DPF3: variants seen among roughly 807,000 people sequenced by gnomAD.
DPF3 encodes zinc finger protein DPF3.
In DPF3, 18 loss-of-function variants were observed where a neutral mutation model predicts 56.8. The ratio of observed to expected loss-of-function variants is 0.32; its 90% CI spans 0.22 to 0.47. DPF3 has a LOEUF of 0.47. Among genes scored for constraint, DPF3 ranks in the 20% least tolerant of loss-of-function variants. The pLI is 1.00. For synonymous variants in DPF3, 188 were observed against 180.2 expected, an observed-to-expected ratio of 1.04 and a Z score of -0.35; for missense variants, 403 against 488.8, an observed-to-expected ratio of 0.82 and a Z score of 1.65.
chr14:72,672,034 CACACACACACACACACACACACACAG>C (rs1182413396), intron 8 of DPF3, among the ~76,000 whole-genome samples: 16 of 108,686 alleles, frequency 1.5e-4, no homozygotes, highest in East Asian at 1.0e-3. Context: ...GCACACCACA[CACACACACACACACACACACACACAG>C]ACACACACAC....
chr14:72,872,098 C>T (rs1885923227), intron 1 of DPF3, among the ~76,000 whole-genome samples: 1 of 152,222 alleles, frequency 6.6e-6, no homozygotes, highest in Admixed American at 6.5e-5. Context: ...CTTGGGGCTT[C>T]CACCCTCTGA....
chr14:72,716,899 A>G (rs558716970), intron 5 of DPF3, among the ~76,000 whole-genome samples: 102 of 152,222 alleles, frequency 6.7e-4, no homozygotes, highest in Non-Finnish European at 9.3e-4. Context: ...AGAACCCACT[A>G]AGGGGGATCT....
At chr14:72,850,513 A>C (rs987481284) in intron 1 of DPF3, among the ~76,000 whole-genome samples, 3 of 152,184 alleles carry the variant, frequency 2.0e-5, no homozygotes, top group Non-Finnish European at 4.4e-5. Context: ...ATCATTAGAC[A>C]ATATTTATCC....
chr14:72,711,061 C>T (rs2332913), intron 6 of DPF3, among the ~76,000 whole-genome samples: 132,034 of 152,200 alleles, frequency 0.87, 57,545 homozygotes, highest in East Asian at 0.97. Context: ...CAAGAACACA[C>T]AGGACCACTA....
At chr14:72,672,790 T>C (rs1480232834) in intron 8 of DPF3, among the ~76,000 whole-genome samples, 1 of 152,064 alleles carries the variant, frequency 6.6e-6, no homozygotes, top group Admixed American at 6.6e-5. Flanking sequence ...CTCTAACCCA[T>C]CCAAACCTAC....
rs985613048 is a variant in DPF3 at position 72,730,085 on chromosome 14, T to A, written c.429+1722A>T. On this transcript the variant is annotated intron_variant, in intron 4 of 10. Transcript: ENST00000556509. Reference sequence around the variant, plus strand: ...ACCTAAAACTGCTGTTAAAAAATATTTTTTTTTAAAGACTGCCCCTCAAGC... The same window carrying A: ...ACCTAAAACTGCTGTTAAAAAATATATTTTTTTAAAGACTGCCCCTCAAGC... Among the ~76,000 whole-genome samples, 3 of 151,734 alleles carry A rather than the reference T, an allele frequency of 2.0e-5. No individual in the cohort carries two copies. In the South Asian group the frequency reaches 6.3e-4, roughly 32 times the overall value.
intron 1 of DPF3, chr14:72,773,794 G>C: frequency 2.2e-6 from 1 of 454,532 alleles, no homozygotes; most frequent in Non-Finnish European, 4.4e-6. Flanking sequence ...GCATATGTCA[G>C]AATTTCCTTC....
At chr14:72,714,698 C>T (rs758617316) in intron 5 of DPF3, among the ~76,000 whole-genome samples, 197 bp from the exon 6 acceptor site, 1 of 152,130 alleles carries the variant, frequency 6.6e-6, no homozygotes, top group Non-Finnish European at 1.5e-5. Flanking sequence ...TCACCTGTAT[C>T]ACCTCATTAA....
intron 3 of DPF3, among the ~76,000 whole-genome samples, chr14:72,745,751 A>ACT (rs1890298381): frequency 6.6e-6 from 1 of 152,090 alleles, no homozygotes; most frequent in Non-Finnish European, 1.5e-5. Context: ...TTCTCCAGAG[A>ACT]CTCTGGCCAA....
chr14:72,819,267 C>T (rs1374529363), intron 1 of DPF3, among the ~76,000 whole-genome samples: 1 of 152,190 alleles, frequency 6.6e-6, no homozygotes, highest in Non-Finnish European at 1.5e-5. Context: ...ATGGTGCAAC[C>T]ACTTTAGAAA....
chr14:72,677,071 C>G (rs905966271), intron 7 of DPF3, among the ~76,000 whole-genome samples: 5 of 152,164 alleles, frequency 3.3e-5, no homozygotes, highest in Admixed American at 1.3e-4. Context: ...GGAGTCTGAG[C>G]AGCATCCTGT....
chr14:72,776,448 G>A (rs922180647), intron 1 of DPF3, among the ~76,000 whole-genome samples: 2 of 152,104 alleles, frequency 1.3e-5, no homozygotes, highest in African/African-American at 4.8e-5. Flanking sequence ...CCAGCTCTGA[G>A]AGCTGAGTGT....
intron 6 of DPF3, among the ~76,000 whole-genome samples, chr14:72,712,538 A>G (rs1888698933): frequency 6.6e-6 from 1 of 152,220 alleles, no homozygotes; most frequent in African/African-American, 2.4e-5. Context: ...CCCACGGTCT[A>G]TAGTAGCAGA....
At chr14:72,753,420 C>A (rs761966153) in intron 2 of DPF3, 49 bp from the exon 3 acceptor site, 21 of 1,457,022 alleles carry the variant, frequency 1.4e-5, no homozygotes, top group Non-Finnish European at 1.9e-5. Flanking sequence ...CTGGAAGGGG[C>A]CTTGGAAACT....
intron 1 of DPF3, among the ~76,000 whole-genome samples, chr14:72,857,634 T>G (rs994701576): frequency 6.6e-6 from 1 of 152,180 alleles, no homozygotes; most frequent in Non-Finnish European, 1.5e-5. Flanking sequence ...GTCACCAGGT[T>G]GGAGTGCAGG....
At chr14:72,727,104 A>C (rs1292607695) in intron 4 of DPF3, among the ~76,000 whole-genome samples, 2 of 152,154 alleles carry the variant, frequency 1.3e-5, no homozygotes, top group Non-Finnish European at 2.9e-5. Context: ...CCCACCTGTC[A>C]AACTCCTGGG....
chr14:72,732,053 C>T (rs1275605958), intron 3 of DPF3, 119 bp from the exon 4 acceptor site: 1 of 1,326,964 alleles, frequency 7.5e-7, no homozygotes, highest in Non-Finnish European at 1.0e-6. Flanking sequence ...CCTGTGCTCT[C>T]TCCTCCTGGA....
intron 1 of DPF3, among the ~76,000 whole-genome samples, chr14:72,887,592 T>A (rs981388558): frequency 2.6e-5 from 4 of 152,216 alleles, no homozygotes; most frequent in Non-Finnish European, 5.9e-5. Context: ...GTCCTCTCTG[T>A]CCTAATCCAC....
chr14:72,875,548 T>C (rs1886079857), intron 1 of DPF3, among the ~76,000 whole-genome samples: 1 of 152,228 alleles, frequency 6.6e-6, no homozygotes, highest in Non-Finnish European at 1.5e-5. Context: ...TTAGGAATCC[T>C]ACCCAAGGCC....
Sources: gnomAD v4.1 joint callset for allele counts (sites outside exome capture counted in the v4.1 genomes callset) on GRCh38, gnomAD v4.1.1 for gene constraint, MANE v1.5 for transcripts, NCBI Gene and HGNC (gene_info 2026-07-23, HGNC 2026-07-21) for gene names.